Variants in POU2F1 observed in about 807,000 individuals in gnomAD.
POU2F1 encodes the protein POU class 2 homeobox 1, also known as POU domain, class 2, transcription factor 1.
In POU2F1, 16 loss-of-function variants were observed where a neutral mutation model predicts 84.9. The observed-to-expected ratio is 0.19, with a 90% CI of 0.13 to 0.29. The LOEUF is 0.29. POU2F1 is among the 10% of genes least tolerant of loss of function. The pLI is 1.00. For missense variants in POU2F1, 738 were observed against 942.6 expected, an observed-to-expected ratio of 0.78 and a Z score of 2.84; for synonymous variants, 368 against 368.3, an observed-to-expected ratio of 1.00 and a Z score of 0.01.
At chr1:167,298,097 G>C (rs990960664) in intron 1 of POU2F1, among the ~76,000 whole-genome samples, 4 of 152,064 alleles carry the variant, frequency 2.6e-5, no homozygotes, top group Non-Finnish European at 5.9e-5. Flanking sequence ...TCACATTCCA[G>C]CCTGGGCAAC....
intron 2 of POU2F1, among the ~76,000 whole-genome samples, chr1:167,358,875 T>C (rs2101811256): frequency 6.6e-6 from 1 of 152,046 alleles, no homozygotes; most frequent in African/African-American, 2.4e-5. Flanking sequence ...TTGATAGGCC[T>C]TTTTGTTACA....
intron 1 of POU2F1, among the ~76,000 whole-genome samples, chr1:167,329,910 T>G (rs1225683779): frequency 6.6e-6 from 1 of 152,184 alleles, no homozygotes; most frequent in Non-Finnish European, 1.5e-5. Context: ...AACTATATAC[T>G]CTAGATAACT....
chr1:167,338,051 A>G, intron 2 of POU2F1: 1 of 440,914 alleles, frequency 2.3e-6, no homozygotes, highest in Middle Eastern at 4.3e-4. Flanking sequence ...ACATTTTTAG[A>G]CAAATGAAAA....
chr1:167,258,959 C>T (rs1343743961), intron 1 of POU2F1, among the ~76,000 whole-genome samples: 3 of 152,094 alleles, frequency 2.0e-5, no homozygotes, highest in Non-Finnish European at 4.4e-5. Flanking sequence ...GGCATCATAC[C>T]AGATTTTGCG....
chr1:167,313,032 C>T (rs1655612064), intron 1 of POU2F1, among the ~76,000 whole-genome samples: 1 of 152,164 alleles, frequency 6.6e-6, no homozygotes, highest in Non-Finnish European at 1.5e-5. Context: ...TATGTTCACA[C>T]AGTGATGAAA....
At chr1:167,320,278 C>A (rs529662405) in intron 1 of POU2F1, among the ~76,000 whole-genome samples, 1 of 152,282 alleles carries the variant, frequency 6.6e-6, no homozygotes, top group Admixed American at 6.5e-5. Context: ...GCTTTTTGAG[C>A]TGAAGTATAG....
intron 1 of POU2F1, among the ~76,000 whole-genome samples, chr1:167,296,953 A>AT (rs1654324235): frequency 6.6e-6 from 1 of 151,082 alleles, no homozygotes; most frequent in Non-Finnish European, 1.5e-5. Context: ...GGGAAGACTG[A>AT]TTTTTTTAAA....
intron 9 of POU2F1, among the ~76,000 whole-genome samples, chr1:167,395,581 A>C (rs897318708): frequency 1.3e-5 from 2 of 152,056 alleles, no homozygotes; most frequent in African/African-American, 4.8e-5. Flanking sequence ...GATACAGATA[A>C]ATTTATTTTT....
At chr1:167,328,014 G>A (rs990412288) in intron 1 of POU2F1, among the ~76,000 whole-genome samples, 1 of 152,084 alleles carries the variant, frequency 6.6e-6, no homozygotes, top group Non-Finnish European at 1.5e-5. Context: ...ATTTTGGGTT[G>A]ATGACTTACC....
chr1:167,250,776 T>G (rs1650669682), intron 1 of POU2F1, among the ~76,000 whole-genome samples: 1 of 152,238 alleles, frequency 6.6e-6, no homozygotes, highest in Non-Finnish European at 1.5e-5. Flanking sequence ...ATTTCAATTT[T>G]CTGATATACT....
At chr1:167,224,807 A>C (rs1178927979) in intron 1 of POU2F1, among the ~76,000 whole-genome samples, 1 of 148,236 alleles carries the variant, frequency 6.7e-6, no homozygotes, top group Non-Finnish European at 1.5e-5. Context: ...TTTCTAGGAA[A>C]TCCATTGTCA....
intron 2 of POU2F1, among the ~76,000 whole-genome samples, chr1:167,342,155 A>G (rs1657902237): frequency 1.3e-5 from 2 of 152,154 alleles, no homozygotes. Flanking sequence ...ATTTAGGACC[A>G]TGGGTTTCCA....
chr1:167,267,097 CA>C (rs907655721), intron 1 of POU2F1, among the ~76,000 whole-genome samples: 1 of 151,170 alleles, frequency 6.6e-6, no homozygotes, highest in African/African-American at 2.4e-5. Context: ...TATTATTGAT[CA>C]CAAATCATTA....
At chr1:167,405,456 T>A (rs1205644980) in intron 13 of POU2F1, among the ~76,000 whole-genome samples, 2 of 150,490 alleles carry the variant, frequency 1.3e-5, no homozygotes, top group Admixed American at 1.3e-4. Flanking sequence ...GGTGAAAGGA[T>A]CGCTTGGGTC....
intron 2 of POU2F1, among the ~76,000 whole-genome samples, chr1:167,360,433 C>T (rs1174865098): frequency 2.0e-5 from 3 of 152,128 alleles, no homozygotes; most frequent in Admixed American, 6.5e-5. Flanking sequence ...CCAGTTTTCC[C>T]AGCACCGTTA....
chr1:167,356,141 C>T (rs1241066290), intron 2 of POU2F1, among the ~76,000 whole-genome samples: 2 of 150,568 alleles, frequency 1.3e-5, no homozygotes, highest in African/African-American at 4.9e-5. Context: ...CGTCCCACCA[C>T]GCCTAGCTAA....
intron 2 of POU2F1, among the ~76,000 whole-genome samples, chr1:167,360,885 A>C (rs1013848400): frequency 5.9e-5 from 9 of 152,168 alleles, no homozygotes; most frequent in Admixed American, 2.0e-4. Context: ...AGTGTTTTAT[A>C]GTACTCATAG....
chr1:167,247,034 ATATATG>A (rs1473288050), intron 1 of POU2F1, among the ~76,000 whole-genome samples: 1 of 37,460 alleles, frequency 2.7e-5, no homozygotes, highest in African/African-American at 4.5e-5. Context: ...CAGGTTATAT[ATATATG>A]TGTGTGTGTG....
intron 1 of POU2F1, among the ~76,000 whole-genome samples, chr1:167,243,137 C>T (rs554446611): frequency 3.2e-4 from 49 of 152,126 alleles, no homozygotes; most frequent in Non-Finnish European, 5.1e-4. Flanking sequence ...TTACTTGGGA[C>T]GTTATTGCAT....
Sources: gnomAD v4.1 joint callset for allele counts (sites outside exome capture counted in the v4.1 genomes callset) on GRCh38, gnomAD v4.1.1 for gene constraint, MANE v1.5 for transcripts, NCBI Gene and HGNC (gene_info 2026-07-23, HGNC 2026-07-21) for gene names.